Variants in PCDH11X observed in about 807,000 individuals in gnomAD.
PCDH11X encodes the protein protocadherin-11 X-linked.
PCDH11X carries 18 observed loss-of-function variants against 53.3 expected under a neutral mutation model. That is an observed-to-expected ratio of 0.34 (90% CI 0.23 to 0.50). The LOEUF is 0.50. Ranked by LOEUF, PCDH11X falls within the 20% of genes least tolerant of loss-of-function variation. PCDH11X has a pLI of 0.98. For synonymous variants in PCDH11X, 279 were observed against 393.3 expected (o/e 0.71, Z 3.44); for missense variants, 570 against 1,032.4 (o/e 0.55, Z 6.14).
chrX:91,997,859 T>C (rs2062445694), intron 6 of PCDH11X, among the ~76,000 whole-genome samples: 1 of 110,425 alleles, frequency 9.1e-6, no homozygotes, highest in Non-Finnish European at 1.9e-5. Context: ...TGGTGTTTTC[T>C]TTGTTAGATT....
chrX:92,015,530 G>T (rs1433206841), intron 6 of PCDH11X, among the ~76,000 whole-genome samples: 1 of 112,393 alleles, frequency 8.9e-6, no homozygotes, highest in Admixed American at 9.5e-5. Context: ...TAAATCTTTT[G>T]TTGTCAATTC....
chrX:92,464,406 G>T lies in PCDH11X; in HGVS notation c.3344-3893G>T, dbSNP rs942567919. The stretch of plus-strand genomic sequence containing the variant: ...GAGTGAGTTCTCAAGAGATCTGATG[G>T]TTTTATAAGGGGCTTTTCCCCCTTT... On this transcript the variant is annotated intron_variant, in intron 9 of 10. Coordinates refer to ENST00000682573, the MANE Select transcript of PCDH11X (RefSeq NM_032968.5). Among the ~76,000 whole-genome samples, 49 of 110,530 alleles carry T rather than the reference G, an allele frequency of 4.4e-4. 1 individual carries two copies. The highest frequency in any genetic ancestry group is 1.6e-3 in the African/African-American group (47 of 30,314).
intron 9 of PCDH11X, among the ~76,000 whole-genome samples, chrX:92,405,775 C>G (rs1262693113): frequency 9.1e-6 from 1 of 109,800 alleles, no homozygotes; most frequent in Non-Finnish European, 1.9e-5. Context: ...TCACAAACAC[C>G]TCTTACAACA....
chrX:92,101,060 T>G (rs1428027338), intron 6 of PCDH11X, among the ~76,000 whole-genome samples: 1 of 111,624 alleles, frequency 9.0e-6, no homozygotes, highest in Non-Finnish European at 1.9e-5. Context: ...AGATTCAGCA[T>G]AGTCCTGCCA....
At chrX:92,198,435 AATCAC>A (rs1180816614) in intron 6 of PCDH11X, among the ~76,000 whole-genome samples, 1 of 103,618 alleles carries the variant, frequency 9.7e-6, no homozygotes, top group Non-Finnish European at 2.0e-5. Context: ...AAAAAAAAAA[AATCAC>A]AAAACCACAA....
intron 8 of PCDH11X, among the ~76,000 whole-genome samples, chrX:92,323,878 T>C (rs2069268849): frequency 1.8e-5 from 2 of 111,300 alleles, no homozygotes; most frequent in Non-Finnish European, 3.8e-5. Flanking sequence ...TTACACAGTT[T>C]CAATTTTTTT....
intron 9 of PCDH11X, among the ~76,000 whole-genome samples, chrX:92,444,065 A>T (rs1443818682): frequency 2.7e-5 from 3 of 111,294 alleles, no homozygotes; most frequent in Non-Finnish European, 5.7e-5. Context: ...TAGTTCTGTA[A>T]AAAATGATGT....
At chrX:92,100,313 G>A (rs956041473) in intron 6 of PCDH11X, among the ~76,000 whole-genome samples, 2 of 111,298 alleles carry the variant, frequency 1.8e-5, no homozygotes, top group African/African-American at 3.3e-5. Context: ...TCACCTGGGT[G>A]CAGGCGGGCT....
chrX:92,254,521 G>A (rs1202740852), intron 7 of PCDH11X, among the ~76,000 whole-genome samples: 28 of 108,473 alleles, frequency 2.6e-4, no homozygotes, highest in African/African-American at 9.6e-4. Flanking sequence ...AGTTGATGCA[G>A]TTTCTTCCTA....
chrX:92,171,157 A>G (rs2065819520), intron 6 of PCDH11X, among the ~76,000 whole-genome samples: 1 of 103,606 alleles, frequency 9.7e-6, no homozygotes, highest in Non-Finnish European at 2.0e-5. Flanking sequence ...CCTTTCTTAT[A>G]CAGATACTCA....
chrX:92,254,447 G>A (rs1400502052), intron 7 of PCDH11X, among the ~76,000 whole-genome samples: 1 of 109,127 alleles, frequency 9.2e-6, no homozygotes, highest in Non-Finnish European at 1.9e-5. Context: ...TACATTTAAA[G>A]TTAATAGTGT....
At chrX:92,514,182 T>C (rs1325327550) in intron 10 of PCDH11X, among the ~76,000 whole-genome samples, 1 of 108,478 alleles carries the variant, frequency 9.2e-6, no homozygotes, top group African/African-American at 3.4e-5. Flanking sequence ...TATGAGTCTC[T>C]GTGCACAGAC....
intron 6 of PCDH11X, among the ~76,000 whole-genome samples, chrX:91,968,307 C>T (rs1183355824): frequency 9.1e-6 from 1 of 109,639 alleles, no homozygotes; most frequent in African/African-American, 3.3e-5. Context: ...TATATTCAAA[C>T]AATAAAATAA....
At chrX:91,825,227 T>A (rs13362970) in intron 4 of PCDH11X, among the ~76,000 whole-genome samples, 3 of 108,610 alleles carry the variant, frequency 2.8e-5, no homozygotes, top group African/African-American at 1.1e-4. Flanking sequence ...CGGGCTGCTT[T>A]GTTTACCTAA....
intron 6 of PCDH11X, among the ~76,000 whole-genome samples, chrX:92,198,502 G>A (rs1354333718): frequency 9.3e-6 from 1 of 107,823 alleles, no homozygotes; most frequent in Non-Finnish European, 1.9e-5. Flanking sequence ...TCAAGTTAAG[G>A]AAAGCAGTTA....
intron 6 of PCDH11X, among the ~76,000 whole-genome samples, chrX:92,100,111 A>T (rs974965679): frequency 9.0e-6 from 1 of 111,507 alleles, no homozygotes; most frequent in Admixed American, 9.6e-5. Flanking sequence ...TTAATTTTTT[A>T]AATTTATTTT....
chrX:92,215,654 C>T (rs1316066214), intron 7 of PCDH11X, among the ~76,000 whole-genome samples: 1 of 93,268 alleles, frequency 1.1e-5, no homozygotes, highest in Non-Finnish European at 2.2e-5. Context: ...ACAGCAGTAA[C>T]CTCTGCAGAC....
intron 7 of PCDH11X, among the ~76,000 whole-genome samples, chrX:92,258,624 C>T (rs1333112740): frequency 9.0e-6 from 1 of 111,326 alleles, no homozygotes; most frequent in African/African-American, 3.3e-5. Context: ...GCCTCGGCCT[C>T]CCAAAGTGCT....
At chrX:92,146,763 C>T (rs2065273021) in intron 6 of PCDH11X, among the ~76,000 whole-genome samples, 1 of 111,111 alleles carries the variant, frequency 9.0e-6, no homozygotes, top group East Asian at 2.8e-4. Flanking sequence ...CTTTGGGAGG[C>T]TGAGGTGGGC....
Sources: allele counts gnomAD v4.1 joint callset (sites outside exome capture counted in the v4.1 genomes callset), GRCh38; gene constraint gnomAD v4.1.1; transcripts MANE v1.5; gene names NCBI Gene and HGNC (gene_info 2026-07-23, HGNC 2026-07-21).